VPS39: variants seen among roughly 807,000 people sequenced by gnomAD.
VPS39 encodes VPS39 subunit of HOPS complex.
Under a neutral mutation model 121.0 loss-of-function variants are expected in VPS39, and 70 were observed. That is an observed-to-expected ratio of 0.58 (90% CI 0.48 to 0.71). VPS39 has a LOEUF of 0.71. Ranked by LOEUF, VPS39 falls within the 30% of genes least tolerant of loss-of-function variation. The pLI is 0.00. For synonymous variants in VPS39, 378 were observed against 398.1 expected (o/e 0.95, Z 0.60); for missense variants, 818 against 1,051.5 (o/e 0.78, Z 3.07).
chr15:42,174,745 G>T (rs2049414421), intron 10 of VPS39, among the ~76,000 whole-genome samples: 1 of 152,054 alleles, frequency 6.6e-6, no homozygotes, highest in Non-Finnish European at 1.5e-5. Context: ...AGGCCGAGGT[G>T]GGCAGATCAC....
chr15:42,160,685 G>A lies in VPS39; in HGVS notation c.*69C>T, dbSNP rs1343248830. On this transcript the variant is annotated 3_prime_UTR_variant, in exon 25 of 25. Transcript: ENST00000318006. Reference sequence around the variant, plus strand: ...TGGTGGTGGCAGCCAGGATTCCTAAGGCCAGGTGCTCCTTCACCTCTCTGG... The same window carrying A: ...TGGTGGTGGCAGCCAGGATTCCTAAAGCCAGGTGCTCCTTCACCTCTCTGG... 1.4e-6 allele frequency: 2 copies of A among 1,426,136 alleles called. No individual in the cohort carries two copies. The highest frequency in any genetic ancestry group is 2.3e-5 in the East Asian group (1 of 44,004). The allele number at this position is 1,426,136 out of a possible 1,614,324, so 88.3% of individuals were successfully genotyped here. A position where few individuals can be genotyped will look rare whatever the true frequency, so the allele number is the denominator to read the frequency against.
chr15:42,188,809 T>C (rs2049759002), intron 5 of VPS39, among the ~76,000 whole-genome samples: 1 of 151,720 alleles, frequency 6.6e-6, no homozygotes, highest in South Asian at 2.1e-4. Flanking sequence ...TTTAAAAAAA[T>C]ACAAAAAATA....
intron 15 of VPS39, 22 bp from the exon 16 acceptor site, chr15:42,166,254 G>T (rs1228963043): frequency 1.2e-6 from 2 of 1,612,158 alleles, no homozygotes; most frequent in Non-Finnish European, 1.7e-6. Context: ...AGCAGGACTT[G>T]TCAGCAGTTG....
At chr15:42,191,455 G>A in intron 3 of VPS39, 41 bp downstream of exon 3, 1 of 1,585,416 alleles carries the variant, frequency 6.3e-7, no homozygotes, top group Non-Finnish European at 8.6e-7. Flanking sequence ...AGGGTCTCAT[G>A]TAAGTCAAAT....
rs267604205 is a variant in VPS39, at chr15:42,184,590, G to A, written c.645C>T (p.Thr215=). ...AGATCCCTTCCTCATTGAGTACCAC[G>A]GTGAGATCATCCTGGCCCACAGCCA... The part of the protein sequence containing the change: ...GKVAVGQDDL[T]VVLNEEGICT... The change falls in exon 8 of 25, where the codon ACC becomes ACT. Residue 215 remains threonine, a synonymous_variant. Transcript: ENST00000318006. 10 of 1,614,002 alleles carry A rather than the reference G, an allele frequency of 6.2e-6. No individual in the cohort carries two copies. The highest frequency in any genetic ancestry group is 2.2e-5 in the South Asian group (2 of 91,082).
At position 42,167,461 on chromosome 15, in the gene VPS39, G is replaced by C. The variant is rs1458526376; in HGVS notation, c.1310C>G (p.Pro437Arg). ...CAGCTTCTTCTTGGATTTGATGGTG[G>C]GAGTGCCTTCCATGAGCGGTGAGGT... Reference protein sequence around the residue: ...SSTSPLMEGTPTIKSKKKLLQ... With the variant: ...SSTSPLMEGTRTIKSKKKLLQ... The change falls in exon 13 of 25, where the codon CCC (proline) becomes CGC (arginine). Residue 437 changes from proline (P) to arginine (R), a missense_variant. Physicochemically the swap from Pro to Arg is moderately radical, Grantham distance 103. Coordinates refer to ENST00000318006, the MANE Select transcript of VPS39 (RefSeq NM_015289.5). 6.2e-7 allele frequency: 1 copy of C among 1,614,136 alleles called. No homozygotes were observed. Among genetic ancestry groups the C allele is most frequent in the Admixed American group, 1.7e-5 (1 of 60,020 alleles).
chr15:42,206,862 A>G (rs1193306862), intron 1 of VPS39, among the ~76,000 whole-genome samples: 3 of 152,238 alleles, frequency 2.0e-5, no homozygotes, highest in African/African-American at 7.2e-5. Context: ...CCTTTCATGC[A>G]GTGTCAGGTC....
intron 2 of VPS39, among the ~76,000 whole-genome samples, chr15:42,192,938 C>T (rs1349551201): frequency 6.6e-6 from 1 of 152,016 alleles, no homozygotes; most frequent in Non-Finnish European, 1.5e-5. Context: ...TGCCACCATG[C>T]CCGGCTAATT....
chr15:42,203,754 T>C (rs1050995688), intron 1 of VPS39, among the ~76,000 whole-genome samples: 2 of 152,266 alleles, frequency 1.3e-5, no homozygotes, highest in African/African-American at 4.8e-5. Context: ...ATTGATTACA[T>C]GTGCCATTAG....
Position 42,162,357 on chromosome 15 carries a change from T to C in VPS39, c.2300A>G (p.His767Arg). The change falls in exon 22 of 25, where the codon CAC becomes CGC. Residue 767 changes from histidine to arginine, a missense_variant. Coordinates refer to ENST00000318006, the MANE Select transcript of VPS39 (RefSeq NM_015289.5). ...LQAALQVLEL[H>R]HSKLDTTKAL... ...CTTGGTGGTGTCCAGTTTGCTGTGG[T>C]GTAGCTCGAGGACCTGCAGAGCGGC... 1 of 1,613,068 alleles carries C rather than the reference T, an allele frequency of 6.2e-7. No homozygotes were observed. The highest frequency in any genetic ancestry group is 8.5e-7 in the Non-Finnish European group (1 of 1,179,418).
rs147553357 is a variant in VPS39 at position 42,166,857 on chromosome 15, G to A, written c.1434C>T (p.Ile478=). The A allele has an allele frequency of 3.7e-5, 59 of 1,614,202 alleles. No homozygotes were observed. Among genetic ancestry groups the A allele is most frequent in the African/African-American group, 2.1e-4 (16 of 75,054 alleles). Residue 478 remains isoleucine, a synonymous_variant, in exon 14 of 25, where the codon ATC becomes ATT. Transcript: ENST00000318006. ...TCTTTAGCACGTGCTCGCTCTCCTC[G>A]ATGTGGCAGTGATTGTTCTCCAGGC... ...LLRLENNHCH[I]EESEHVLKKA...
chr15:42,202,209 C>T (rs1478693808), intron 1 of VPS39, among the ~76,000 whole-genome samples: 6 of 152,202 alleles, frequency 3.9e-5, no homozygotes, highest in East Asian at 1.9e-4. Context: ...TCAGCACCTA[C>T]ATTCCTTATC....
chr15:42,199,310 T>G (rs1193189353), intron 2 of VPS39, among the ~76,000 whole-genome samples: 1 of 152,170 alleles, frequency 6.6e-6, no homozygotes, highest in Non-Finnish European at 1.5e-5. Flanking sequence ...TCACATTTGA[T>G]TAGAACTTTA....
intron 11 of VPS39, 157 bp downstream of exon 11, chr15:42,173,566 C>A (rs541507492): frequency 5.6e-6 from 5 of 887,454 alleles, no homozygotes; most frequent in Non-Finnish European, 8.5e-6. Flanking sequence ...GATATGTAAC[C>A]ACTGTGGTCA....
chr15:42,165,270 G>T, intron 17 of VPS39, 157 bp from the exon 18 acceptor site: 1 of 671,738 alleles, frequency 1.5e-6, no homozygotes. Context: ...AAAGCCACCA[G>T]GAAGTTTCAC....
At chr15:42,176,777 A>G (rs1378545232) in intron 10 of VPS39, among the ~76,000 whole-genome samples, 1 of 152,204 alleles carries the variant, frequency 6.6e-6, no homozygotes, top group African/African-American at 2.4e-5. Flanking sequence ...CTGCATTCTA[A>G]AAAAGTGCTT....
At chr15:42,169,912 T>C in intron 11 of VPS39, 46 bp from the exon 12 acceptor site, 1 of 1,568,882 alleles carries the variant, frequency 6.4e-7, no homozygotes, top group Non-Finnish European at 8.7e-7. Flanking sequence ...AGCCCAACAA[T>C]TTAGGGATAA....
At chr15:42,189,726 C>A (rs1374052020) in intron 4 of VPS39, among the ~76,000 whole-genome samples, 1 of 19,724 alleles carries the variant, frequency 5.1e-5, no homozygotes, top group Non-Finnish European at 2.0e-4. Flanking sequence ...GAGACTCCGT[C>A]TCAAAAAAAA....
chr15:42,184,051 CTACAA>C (rs2049646261), intron 8 of VPS39: 1 of 68,400 alleles, frequency 1.5e-5, no homozygotes, highest in African/African-American at 1.2e-4. Flanking sequence ...TGCCTCTAAG[CTACAA>C]AAAAAAAAAA....
Sources: allele counts gnomAD v4.1 joint callset (sites outside exome capture counted in the v4.1 genomes callset), GRCh38; gene constraint gnomAD v4.1.1; transcripts MANE v1.5; gene names NCBI Gene and HGNC (gene_info 2026-07-23, HGNC 2026-07-21).